The following B3GALT1 variants were observed in gnomAD, a reference collection of about 807,000 sequenced individuals.
The protein encoded by B3GALT1 is UDP-Gal:betaGlcNAc beta 1,3-galactosyltransferase, polypeptide 1.
B3GALT1 carries 10 observed loss-of-function variants against 23.2 expected under a neutral mutation model. That is an observed-to-expected ratio of 0.43 (90% CI 0.27 to 0.73). The LOEUF (loss-of-function observed/expected upper bound fraction) is 0.73. Ranked by LOEUF, B3GALT1 falls within the 30% of genes least tolerant of loss-of-function variation. The probability of loss-of-function intolerance (pLI) is 0.21; values close to 1 mark genes in which losing one functional copy is unlikely to be tolerated. For missense variants in B3GALT1, 299 were observed against 405.4 expected (o/e 0.74, Z 2.25); for synonymous variants, 156 against 141.5 (o/e 1.10, Z -0.73).
chr2:167,569,532 A>G (rs1383850525), intron 2 of B3GALT1, among the ~76,000 whole-genome samples: 1 of 151,872 alleles, frequency 6.6e-6, no homozygotes, highest in East Asian at 1.9e-4. Context: ...ATTGACTTTT[A>G]TACAATTGCT....
chr2:167,568,829 T>A (rs930149039), intron 2 of B3GALT1, among the ~76,000 whole-genome samples: 3 of 151,932 alleles, frequency 2.0e-5, no homozygotes, highest in Non-Finnish European at 2.9e-5. Context: ...ATTTTCTTTC[T>A]CCTGTGTTAT....
At chr2:167,538,896 T>TG (rs1683482377) in intron 2 of B3GALT1, among the ~76,000 whole-genome samples, 1 of 151,676 alleles carries the variant, frequency 6.6e-6, no homozygotes, top group South Asian at 2.1e-4. Flanking sequence ...TTTAAAAATG[T>TG]GAAAAAAAAA....
chr2:167,525,284 G>A (rs1683201159), intron 2 of B3GALT1, among the ~76,000 whole-genome samples: 1 of 151,714 alleles, frequency 6.6e-6, no homozygotes, highest in Admixed American at 6.6e-5. Flanking sequence ...TTTTTGTTTG[G>A]TACGTTTTCC....
intron 3 of B3GALT1, among the ~76,000 whole-genome samples, chr2:167,724,137 T>A (rs1451637566): frequency 6.6e-6 from 1 of 152,250 alleles, no homozygotes; most frequent in Non-Finnish European, 1.5e-5. Context: ...AATTCAACCA[T>A]GCCTGGTTGT....
At chr2:167,505,013 A>G (rs1699899541) in intron 2 of B3GALT1, among the ~76,000 whole-genome samples, 1 of 152,038 alleles carries the variant, frequency 6.6e-6, no homozygotes, top group Non-Finnish European at 1.5e-5. Flanking sequence ...TTCTGTATGT[A>G]TTGATATAGA....
At chr2:167,690,684 T>C (rs536493617) in intron 3 of B3GALT1, among the ~76,000 whole-genome samples, 1 of 152,288 alleles carries the variant, frequency 6.6e-6, no homozygotes, top group South Asian at 2.1e-4. Flanking sequence ...GAAATAGTTT[T>C]ATTGAGTGAA....
At chr2:167,506,782 GATTT>G (rs1699924358) in intron 2 of B3GALT1, among the ~76,000 whole-genome samples, 1 of 152,092 alleles carries the variant, frequency 6.6e-6, no homozygotes, top group Non-Finnish European at 1.5e-5. Context: ...GTTGGATTTG[GATTT>G]GGATGGTGGA....
Position 167,357,030 on chromosome 2 carries a change from G to A in B3GALT1, c.-511+63696G>A, listed in dbSNP as rs754886901. On this transcript the variant is annotated intron_variant, in intron 1 of 4. Coordinates refer to ENST00000392690, the MANE Select transcript of B3GALT1 (RefSeq NM_020981.4). ...TTTCCCAGTTTGTATGTGTGTGTGT[G>A]TATATATATATATGTATGTGTGACA... 3.9e-3 allele frequency among the ~76,000 whole-genome samples: 582 copies of A among 151,142 alleles called. 2 individuals are homozygous for A. The highest frequency in any genetic ancestry group is 5.5e-3 in the African/African-American group (226 of 41,296).
intron 3 of B3GALT1, among the ~76,000 whole-genome samples, chr2:167,766,727 T>C (rs1024798958): frequency 6.6e-6 from 1 of 152,206 alleles, no homozygotes; most frequent in Admixed American, 6.5e-5. Flanking sequence ...AATGAGCAGG[T>C]ACATTGTTGT....
At chr2:167,661,737 G>C (rs533905872) in intron 3 of B3GALT1, among the ~76,000 whole-genome samples, 1 of 152,032 alleles carries the variant, frequency 6.6e-6, no homozygotes, top group Non-Finnish European at 1.5e-5. Flanking sequence ...AGAATAAGGT[G>C]CTTTGAGAAT....
At chr2:167,338,189 A>G (rs1467657431) in intron 1 of B3GALT1, among the ~76,000 whole-genome samples, 2 of 152,196 alleles carry the variant, frequency 1.3e-5, no homozygotes, top group Admixed American at 1.3e-4. Context: ...TTCTTAGATT[A>G]TATGTAAAAG....
intron 1 of B3GALT1, among the ~76,000 whole-genome samples, chr2:167,389,922 AAAC>A (rs1697991652): frequency 3.7e-5 from 5 of 134,552 alleles, no homozygotes; most frequent in African/African-American, 1.6e-4. Flanking sequence ...AAAAAAAAAA[AAAC>A]AAAAAAAAAA....
chr2:167,719,942 A>C (rs1452377777), intron 3 of B3GALT1, among the ~76,000 whole-genome samples: 2 of 152,072 alleles, frequency 1.3e-5, no homozygotes, highest in Non-Finnish European at 2.9e-5. Flanking sequence ...AAAAAAAAAA[A>C]AAGAAAGTCC....
intron 3 of B3GALT1, among the ~76,000 whole-genome samples, chr2:167,694,674 A>G (rs1686766092): frequency 6.6e-6 from 1 of 152,146 alleles, no homozygotes; most frequent in African/African-American, 2.4e-5. Flanking sequence ...ATGACTTTCC[A>G]AGGTCTAGGT....
Position 167,626,687 on chromosome 2 carries a change from T to C in B3GALT1, c.-409-20222T>C, listed in dbSNP as rs190714212. Among the ~76,000 whole-genome samples the C allele has an allele frequency of 9.9e-5, 15 of 151,914 alleles. No individual in the cohort carries two copies. The East Asian group carries it at 2.9e-3, about 29-fold the overall frequency. On this transcript the variant is annotated intron_variant, in intron 2 of 4. Transcript: ENST00000392690. ...TTAATATCAATTTAATGAAGAAAGT[T>C]AAACATTGAAAAAATATAATATGGT...
intron 3 of B3GALT1, among the ~76,000 whole-genome samples, chr2:167,800,807 C>T (rs1166792430): frequency 6.6e-6 from 1 of 152,124 alleles, no homozygotes; most frequent in Admixed American, 6.6e-5. Context: ...CTTGGTGAGT[C>T]CTTAGAGACC....
chr2:167,434,568 C>T (rs924212419), intron 1 of B3GALT1, among the ~76,000 whole-genome samples: 8 of 149,592 alleles, frequency 5.3e-5, no homozygotes, highest in African/African-American at 1.5e-4. Flanking sequence ...CATTACCATA[C>T]GTAAAATACA....
At chr2:167,710,524 T>C (rs1189984887) in intron 3 of B3GALT1, among the ~76,000 whole-genome samples, 1 of 152,210 alleles carries the variant, frequency 6.6e-6, no homozygotes, top group Non-Finnish European at 1.5e-5. Flanking sequence ...TCATTTAGAA[T>C]TGGTTGTGCT....
intron 3 of B3GALT1, among the ~76,000 whole-genome samples, chr2:167,742,948 A>G (rs148965775): frequency 6.6e-6 from 1 of 152,168 alleles, no homozygotes; most frequent in African/African-American, 2.4e-5. Flanking sequence ...AAAATGTGTC[A>G]CATGTATATC....
Sources: gnomAD v4.1 joint callset for allele counts (sites outside exome capture counted in the v4.1 genomes callset) on GRCh38, gnomAD v4.1.1 for gene constraint, MANE v1.5 for transcripts, NCBI Gene and HGNC (gene_info 2026-07-23, HGNC 2026-07-21) for gene names.